The following KLHL32 variants were observed in gnomAD, a reference collection of about 807,000 sequenced individuals.
KLHL32 encodes the protein kelch like family member 32, also known as kelch-like protein 32.
Under a neutral mutation model 64.8 loss-of-function variants are expected in KLHL32, and 35 were observed. The observed-to-expected ratio is 0.54, with a 90% CI of 0.41 to 0.72. The LOEUF (loss-of-function observed/expected upper bound fraction) is 0.72. Among genes scored for constraint, KLHL32 ranks in the 30% least tolerant of loss-of-function variants. The probability of loss-of-function intolerance (pLI) is 0.00; values close to 1 mark genes in which losing one functional copy is unlikely to be tolerated. For synonymous variants in KLHL32, 259 were observed against 281.0 expected, an observed-to-expected ratio of 0.92 and a Z score of 0.78; for missense variants, 589 against 768.5, an observed-to-expected ratio of 0.77 and a Z score of 2.76.
intron 6 of KLHL32, among the ~76,000 whole-genome samples, chr6:97,099,712 G>T (rs897199960): frequency 2.0e-5 from 3 of 152,038 alleles, no homozygotes; most frequent in Non-Finnish European, 2.9e-5. Context: ...CCCGAACTAA[G>T]CCCTGCCCCC....
At chr6:97,006,400 G>A (rs956069216) in intron 3 of KLHL32, among the ~76,000 whole-genome samples, 12 of 152,132 alleles carry the variant, frequency 7.9e-5, no homozygotes, top group African/African-American at 1.9e-4. Context: ...GCCTATCGGG[G>A]TTATTGCATG....
Position 96,971,771 on chromosome 6 carries a change from T to C in KLHL32, c.24-4226T>C, listed in dbSNP as rs578052139. 4.6e-5 allele frequency among the ~76,000 whole-genome samples: 7 copies of C among 152,268 alleles called. No individual in the cohort carries two copies. The South Asian group carries it at 1.2e-3, about 27-fold the overall frequency. On this transcript the variant is annotated intron_variant, in intron 2 of 10. Coordinates refer to ENST00000369261, the MANE Select transcript of KLHL32 (RefSeq NM_052904.4). ...AGGGACATATATCCCTGGGAACTCA[T>C]AGAGTATCCAATAGAACCATAATGA...
chr6:96,959,520 G>C (rs1216621010), intron 1 of KLHL32, among the ~76,000 whole-genome samples: 1 of 152,154 alleles, frequency 6.6e-6, no homozygotes, highest in Non-Finnish European at 1.5e-5. Flanking sequence ...ATTTGTATTT[G>C]CATGTGTTTT....
At chr6:97,138,282 T>C (rs1188620835) in intron 10 of KLHL32, among the ~76,000 whole-genome samples, 1 of 152,176 alleles carries the variant, frequency 6.6e-6, no homozygotes, top group Non-Finnish European at 1.5e-5. Context: ...CTTACACTTA[T>C]AATCCCAGCA....
chr6:96,973,476 A>G (rs59804866), intron 2 of KLHL32, among the ~76,000 whole-genome samples: 19,630 of 152,148 alleles, frequency 0.13, 1,539 homozygotes, highest in East Asian at 0.26. Flanking sequence ...AAGTTGTGAA[A>G]GTTTCAAATA....
chr6:96,932,314 T>C (rs1236272331), intron 1 of KLHL32, among the ~76,000 whole-genome samples: 1 of 151,796 alleles, frequency 6.6e-6, no homozygotes, highest in Non-Finnish European at 1.5e-5. Flanking sequence ...TTGCCATAGC[T>C]TATCTTCTTT....
At chr6:97,044,685 CCTTA>C (rs1177429296) in intron 4 of KLHL32, among the ~76,000 whole-genome samples, 4 of 151,888 alleles carry the variant, frequency 2.6e-5, no homozygotes, top group African/African-American at 7.2e-5. Flanking sequence ...GATATAATCT[CCTTA>C]CTTGCTATTG....
intron 6 of KLHL32, among the ~76,000 whole-genome samples, chr6:97,110,844 G>A (rs548359036): frequency 6.6e-6 from 1 of 152,370 alleles, no homozygotes; most frequent in African/African-American, 2.4e-5. Context: ...GCCTGCTGCT[G>A]TTGGTGTGGG....
At chr6:97,027,476 T>C (rs1033340797) in intron 3 of KLHL32, among the ~76,000 whole-genome samples, 2 of 152,246 alleles carry the variant, frequency 1.3e-5, no homozygotes, top group African/African-American at 4.8e-5. Flanking sequence ...CTGAATGATT[T>C]GTGTCAAAAG....
chr6:97,002,421 G>A (rs1272340804), intron 3 of KLHL32, among the ~76,000 whole-genome samples: 2 of 152,056 alleles, frequency 1.3e-5, no homozygotes, highest in Non-Finnish European at 2.9e-5. Flanking sequence ...TAGCTTAAGA[G>A]CAAAAACAAA....
intron 9 of KLHL32, among the ~76,000 whole-genome samples, chr6:97,132,271 T>C (rs960742046): frequency 2.6e-5 from 4 of 152,310 alleles, no homozygotes; most frequent in Admixed American, 6.5e-5. Context: ...TGTAAGCACT[T>C]GTCTAAAAAG....
intron 1 of KLHL32, among the ~76,000 whole-genome samples, chr6:96,960,286 C>G (rs999742116): frequency 6.6e-6 from 1 of 152,096 alleles, no homozygotes; most frequent in Non-Finnish European, 1.5e-5. Context: ...TAGCATTTTC[C>G]CTATTCTTAC....
At chr6:96,998,733 G>A (rs1230373071) in intron 3 of KLHL32, among the ~76,000 whole-genome samples, 3 of 152,210 alleles carry the variant, frequency 2.0e-5, no homozygotes, top group African/African-American at 7.2e-5. Flanking sequence ...AAAAACAACA[G>A]CATTGCTAAT....
intron 3 of KLHL32, among the ~76,000 whole-genome samples, chr6:96,978,723 G>A (rs1305080749): frequency 6.6e-6 from 1 of 152,178 alleles, no homozygotes; most frequent in Admixed American, 6.5e-5. Flanking sequence ...TTGCCAAACG[G>A]CTTTCCACAA....
intron 4 of KLHL32, among the ~76,000 whole-genome samples, chr6:97,051,115 T>C (rs1786830574): frequency 6.6e-6 from 1 of 152,206 alleles, no homozygotes; most frequent in Non-Finnish European, 1.5e-5. Context: ...TGGGCTAAGG[T>C]GCCTGAGGTC....
chr6:96,974,311 G>A (rs1333306072), intron 2 of KLHL32, among the ~76,000 whole-genome samples: 4 of 152,146 alleles, frequency 2.6e-5, no homozygotes, highest in Non-Finnish European at 5.9e-5. Context: ...TTACTTGGCT[G>A]ATACAATGTT....
intron 3 of KLHL32, among the ~76,000 whole-genome samples, chr6:96,984,895 G>A (rs1163488675): frequency 2.0e-5 from 3 of 152,200 alleles, no homozygotes; most frequent in African/African-American, 7.2e-5. Flanking sequence ...ATTGTTATGT[G>A]TGAATTTGAT....
intron 6 of KLHL32, among the ~76,000 whole-genome samples, chr6:97,106,613 G>A (rs1288828847): frequency 2.0e-5 from 3 of 151,912 alleles, no homozygotes; most frequent in Admixed American, 6.6e-5. Flanking sequence ...TGGTAATGGC[G>A]CACGCTTGTA....
intron 5 of KLHL32, among the ~76,000 whole-genome samples, chr6:97,070,332 C>G (rs914039169): frequency 6.6e-6 from 1 of 152,144 alleles, no homozygotes; most frequent in African/African-American, 2.4e-5. Flanking sequence ...ATTATTTGTT[C>G]TAATCAAGAG....
Sources: gnomAD v4.1 joint callset for allele counts (sites outside exome capture counted in the v4.1 genomes callset) on GRCh38, gnomAD v4.1.1 for gene constraint, MANE v1.5 for transcripts, NCBI Gene and HGNC (gene_info 2026-07-23, HGNC 2026-07-21) for gene names.